ZNF620: variants seen among roughly 807,000 people sequenced by gnomAD.
The protein encoded by ZNF620 is zinc finger protein 620.
Under a neutral mutation model 13.3 loss-of-function variants are expected in ZNF620, and 10 were observed. The ratio of observed to expected loss-of-function variants is 0.75; its 90% confidence interval spans 0.46 to 1.28. The LOEUF (loss-of-function observed/expected upper bound fraction) is 1.28. Among genes scored for constraint, ZNF620 ranks in the 50% most tolerant of loss-of-function variants. ZNF620 has a pLI of 0.00. For synonymous variants in ZNF620, 166 were observed against 177.6 expected, an observed-to-expected ratio of 0.93 and a Z score of 0.52; for missense variants, 461 against 500.2, an observed-to-expected ratio of 0.92 and a Z score of 0.75.
Position 40,512,466 on chromosome 3 carries a change from C to T in ZNF620, c.216C>T (p.Leu72=), listed in dbSNP as rs746201364. The T allele has an allele frequency of 3.7e-6, 6 of 1,614,080 alleles. No homozygotes were observed. Among genetic ancestry groups the T allele is most frequent in the Admixed American group, 3.3e-5 (2 of 60,000 alleles). ...AGCAAGGGGAACTGCCATGGGGCCT[C>T]GATCCCTGGGAACCTATGGGCAGGG... The part of the protein sequence containing the change: ...QLEQGELPWG[L]DPWEPMGREA... Residue 72 remains leucine, a synonymous_variant, in exon 4 of 5, where the codon CTC becomes CTT. Coordinates refer to ENST00000314529, the MANE Select transcript of ZNF620 (RefSeq NM_175888.4).
intron 4 of ZNF620, among the ~76,000 whole-genome samples, chr3:40,514,311 A>C (rs1698306296): frequency 6.6e-6 from 1 of 152,162 alleles, no homozygotes; most frequent in South Asian, 2.1e-4. Context: ...TCTGGTGGAC[A>C]TGTGACTCGT....
At position 40,515,812 on chromosome 3, in the gene ZNF620, GTGTGTGTGA is replaced by G. The variant is rs770673631; in HGVS notation, c.266-46_266-38del. ...TGTGTGTGTGTGTGTGTGTGTGTGTGTGTGTGTGATATCAGGGACTGACATTTGTATTTT... is the reference window on the plus strand; with the variant it reads ...TGTGTGTGTGTGTGTGTGTGTGTGTGTATCAGGGACTGACATTTGTATTTT... On this transcript the variant is annotated intron_variant, in intron 4 of 4. Coordinates refer to ENST00000314529, the MANE Select transcript of ZNF620 (RefSeq NM_175888.4). 1.1e-4 allele frequency: 157 copies of G among 1,449,314 alleles called. 1 individual carries two copies. The highest frequency in any genetic ancestry group is 5.9e-4 in the East Asian group (25 of 42,528). 89.8% of individuals were successfully genotyped at this position (1,449,314 alleles called of 1,614,324 possible). A position where few individuals can be genotyped will look rare whatever the true frequency, so the allele number is the denominator to read the frequency against.
At chr3:40,506,925 A>G (rs565044705) in intron 2 of ZNF620, among the ~76,000 whole-genome samples, 17 of 152,218 alleles carry the variant, frequency 1.1e-4, no homozygotes, top group African/African-American at 4.1e-4. Context: ...TTCACACTGA[A>G]GACTGATGTT....
chr3:40,510,133 C>CCACCT (rs1698149506), intron 2 of ZNF620, among the ~76,000 whole-genome samples: 1 of 151,880 alleles, frequency 6.6e-6, no homozygotes, highest in African/African-American at 2.4e-5. Flanking sequence ...GGTGATCCTC[C>CCACCT]CACCTCAGTC....
In ZNF620 at chr3:40,516,613, A is replaced by T; in HGVS notation, c.1019A>T (p.Glu340Val). The change falls in exon 5 of 5, where the codon GAG becomes GTG. Residue 340 changes from glutamate (E) to valine (V), a missense_variant. Transcript: ENST00000314529. ...HTGEKPYECK[E>V]CGKRLSSNTA... is the part of the protein sequence containing the mutation. ...GGGGAGAAACCTTATGAATGTAAAG[A>T]GTGTGGAAAACGATTAAGCTCCAAC... 2 of 1,614,170 alleles carry T rather than the reference A, an allele frequency of 1.2e-6. No individual in the cohort carries two copies. Among genetic ancestry groups the T allele is most frequent in the Non-Finnish European group, 1.7e-6 (2 of 1,179,982 alleles).
At position 40,511,544 on chromosome 3, in the gene ZNF620, G is replaced by T. The variant is rs1419604643; in HGVS notation, c.99G>T (p.Arg33Ser). The change falls in exon 3 of 5, where the codon AGG becomes AGT. Residue 33 changes from arginine to serine, a missense_variant. Coordinates refer to ENST00000314529, the MANE Select transcript of ZNF620 (RefSeq NM_175888.4). ...GGGCCAGCCTGGACTCTGTGCAGAG[G>T]GCCCTGTACAGGGAAGTGATGCTGG... ...NEWASLDSVQ[R>S]ALYREVMLEN... 6.2e-7 allele frequency: 1 copy of T among 1,613,658 alleles called. No homozygotes were observed. The highest frequency in any genetic ancestry group is 8.5e-7 in the Non-Finnish European group (1 of 1,179,846).
In ZNF620 at chr3:40,516,355, G is replaced by A; in HGVS notation, c.761G>A (p.Cys254Tyr). 1 of 1,614,224 alleles carries A rather than the reference G, an allele frequency of 6.2e-7. No homozygotes were observed. Among genetic ancestry groups the A allele is most frequent in the East Asian group, 2.2e-5 (1 of 44,888 alleles). The change falls in exon 5 of 5, where the codon TGT becomes TAT. Residue 254 changes from cysteine (C) to tyrosine (Y), a missense_variant. Transcript: ENST00000314529. ...CACACTGGAAAGAAACCATTTAAAT[G>A]TAAAGAATGTGGAAAAGGTTTAAGT... ...IIHTGKKPFK[C>Y]KECGKGLSSD...
chr3:40,509,813 T>C (rs978779589), intron 2 of ZNF620, among the ~76,000 whole-genome samples: 1 of 152,202 alleles, frequency 6.6e-6, no homozygotes, highest in Admixed American at 6.5e-5. Context: ...AGTTCCCCCT[T>C]CCTGTGTTGC....
At chr3:40,514,034 C>A (rs1419343945) in intron 4 of ZNF620, among the ~76,000 whole-genome samples, 1 of 152,092 alleles carries the variant, frequency 6.6e-6, no homozygotes, top group African/African-American at 2.4e-5. Flanking sequence ...ACTTAGCAGA[C>A]CGGGAAAGGG....
intron 2 of ZNF620, among the ~76,000 whole-genome samples, chr3:40,507,588 T>A (rs1698068686): frequency 6.6e-6 from 1 of 152,218 alleles, no homozygotes; most frequent in Admixed American, 6.5e-5. Flanking sequence ...TTTCTTGTGA[T>A]GTCTTTGTTC....
chr3:40,511,957 CAT>C lies in ZNF620; in HGVS notation c.151+362_151+363del, dbSNP rs556020154. Among the ~76,000 whole-genome samples the C allele has an allele frequency of 9.2e-5, 14 of 152,204 alleles. No homozygotes were observed. In the South Asian group the frequency reaches 2.5e-3, roughly 27 times the overall value. On this transcript the variant is annotated intron_variant, in intron 3 of 4. Transcript: ENST00000314529. ...TCAGCCTCCCAAAGTGCTGGGAAGA[CAT>C]GTGTGAGCCACCGCTCCTGGCAGGA...
rs1213560529 is a variant in ZNF620, at chr3:40,506,385, G to A, written c.24+9G>A. The A allele has an allele frequency of 1.2e-6, 2 of 1,613,494 alleles. No homozygotes were observed. The highest frequency in any genetic ancestry group is 4.5e-5 in the East Asian group (2 of 44,856). On this transcript the variant is annotated intron_variant, in intron 2 of 4. Transcript: ENST00000314529. ...AGACCGCTTGGCGCCAGGTGAGTGA[G>A]CATCCTCTCCCTCCCTCCCACCCTT...
At chr3:40,514,918 C>T (rs2125662757) in intron 4 of ZNF620, among the ~76,000 whole-genome samples, 1 of 152,254 alleles carries the variant, frequency 6.6e-6, no homozygotes, top group South Asian at 2.1e-4. Context: ...TTAAGTTGTA[C>T]CTTTCTGGAT....
intron 4 of ZNF620, among the ~76,000 whole-genome samples, chr3:40,515,084 TA>T (rs1698333001): frequency 6.6e-6 from 1 of 152,236 alleles, no homozygotes; most frequent in African/African-American, 2.4e-5. Flanking sequence ...GTGAGTTTAG[TA>T]GTTCACTTTT....
At position 40,506,051 on chromosome 3, in the gene ZNF620, G is replaced by A. The variant is rs1370208022; in HGVS notation, c.-137G>A. On this transcript the variant is annotated 5_prime_UTR_variant, in exon 1 of 5. In the 5' UTR this introduces an upstream ATG that the reference lacks. Transcript: ENST00000314529. The stretch of plus-strand genomic sequence containing the variant: ...GGCGGAGGGTCTCAAGCTTTCCCCG[G>A]TGTCGGCGGCAGGTGGAATTTCCAC... The A allele has an allele frequency of 6.0e-6, 3 of 502,526 alleles. No individual in the cohort carries two copies. In the East Asian group the frequency reaches 1.1e-4, roughly 19 times the overall value. 31.1% of individuals were successfully genotyped at this position (502,526 alleles called of 1,614,324 possible).
At position 40,512,468 on chromosome 3, in the gene ZNF620, A is replaced by T. The variant is rs1433768130; in HGVS notation, c.218A>T (p.Asp73Val). 4 of 1,614,100 alleles carry T rather than the reference A, an allele frequency of 2.5e-6. No individual in the cohort carries two copies. The highest frequency in any genetic ancestry group is 2.5e-6 in the Non-Finnish European group (3 of 1,180,012). ...CAAGGGGAACTGCCATGGGGCCTCG[A>T]TCCCTGGGAACCTATGGGCAGGGAG... is the stretch of plus-strand genomic sequence containing the variant. ...LEQGELPWGL[D>V]PWEPMGREAL... Residue 73 changes from aspartate (D) to valine (V), a missense_variant, in exon 4 of 5, where the codon GAT becomes GTT. Transcript: ENST00000314529.
chr3:40,515,329 G>A (rs1156263868), intron 4 of ZNF620, among the ~76,000 whole-genome samples: 2 of 152,284 alleles, frequency 1.3e-5, no homozygotes, highest in African/African-American at 2.4e-5. Flanking sequence ...CTTTACTAGA[G>A]CCAGCTTGAT....
chr3:40,511,319 G>A, intron 2 of ZNF620, 151 bp from the exon 3 acceptor site: 1 of 1,043,870 alleles, frequency 9.6e-7, no homozygotes. Flanking sequence ...TCCCCTGTTG[G>A]TGCGGGCAAA....
rs1425220551 is a variant in ZNF620 at position 40,516,613 on chromosome 3, AGT to A, written c.1023_1024del (p.Cys341TrpfsTer24). The A allele has an allele frequency of 6.2e-7, 1 of 1,614,170 alleles. No individual in the cohort carries two copies. The highest frequency in any genetic ancestry group is 2.2e-5 in the East Asian group (1 of 44,884). On this transcript the variant is annotated frameshift_variant, in exon 5 of 5. Transcript: ENST00000314529. LOFTEE classifies it low-confidence loss of function (END_TRUNC). ...GGGGAGAAACCTTATGAATGTAAAG[AGT>A]GTGGAAAACGATTAAGCTCCAACAC...
Sources: allele counts gnomAD v4.1 joint callset (sites outside exome capture counted in the v4.1 genomes callset), GRCh38; gene constraint gnomAD v4.1.1; transcripts MANE v1.5; gene names NCBI Gene and HGNC (gene_info 2026-07-23, HGNC 2026-07-21).